Variants in BCAS1 observed in about 807,000 individuals in gnomAD.
BCAS1 encodes breast carcinoma-amplified sequence 1.
BCAS1 carries 46 observed loss-of-function variants against 65.4 expected under a neutral mutation model. The ratio of observed to expected loss-of-function variants is 0.70; its 90% CI spans 0.55 to 0.90. The LOEUF is 0.90. Ranked by LOEUF, BCAS1 falls within the 40% of genes least tolerant of loss-of-function variation. The pLI, the probability that BCAS1 is intolerant of heterozygous loss-of-function variation, is 0.00. For synonymous variants in BCAS1, 298 were observed against 293.5 expected (o/e 1.02, Z -0.16); for missense variants, 793 against 771.2 (o/e 1.03, Z -0.33).
intron 4 of BCAS1, among the ~76,000 whole-genome samples, chr20:54,026,183 C>A (rs1037161847): frequency 3.3e-5 from 5 of 152,188 alleles, no homozygotes. Flanking sequence ...CTTGGGTCTT[C>A]TGAGAGATCA....
At position 54,070,495 on chromosome 20, in the gene BCAS1, G is replaced by A. The variant is rs1294228931; in HGVS notation, c.-68C>T. ...TGTCACCCGGAGCTGCTCCTGCACA[G>A]GGTCCTGGGTCTCCAGTGCGTGCTG... On this transcript the variant is annotated 5_prime_UTR_variant, in exon 1 of 13. Transcript: ENST00000688948. The A allele has an allele frequency of 1.3e-5, 2 of 152,416 alleles. No homozygotes were observed. The highest frequency in any genetic ancestry group is 4.8e-5 in the African/African-American group (2 of 41,452). 9.4% of individuals were successfully genotyped at this position (152,416 alleles called of 1,614,324 possible). A position where few individuals can be genotyped will look rare whatever the true frequency, so the allele number is the denominator to read the frequency against.
At chr20:54,044,358 T>C (rs1453099541) in intron 3 of BCAS1, among the ~76,000 whole-genome samples, 1 of 152,190 alleles carries the variant, frequency 6.6e-6, no homozygotes, top group South Asian at 2.1e-4. Context: ...CTTGTTTTCT[T>C]CTCCATCCAA....
At chr20:54,009,266 T>A (rs1174879115) in intron 4 of BCAS1, among the ~76,000 whole-genome samples, 1 of 151,926 alleles carries the variant, frequency 6.6e-6, no homozygotes, top group East Asian at 1.9e-4. Context: ...GGTATAATAA[T>A]GAAAACAAAA....
intron 4 of BCAS1, among the ~76,000 whole-genome samples, chr20:54,001,010 A>G (rs208377): frequency 0.015 from 2,267 of 152,164 alleles, 62 homozygotes; most frequent in African/African-American, 0.053. Flanking sequence ...CTTCCCTGGT[A>G]ATTTTTGTTT....
At chr20:53,971,430 C>T (rs1482762718) in intron 9 of BCAS1, among the ~76,000 whole-genome samples, 5 of 152,212 alleles carry the variant, frequency 3.3e-5, no homozygotes, top group Non-Finnish European at 7.3e-5. Flanking sequence ...AACTTCTTTG[C>T]TATTGAGAAG....
chr20:53,953,604 TTG>T lies in BCAS1; in HGVS notation c.1641_1642del (p.Asp547GlufsTer45). On this transcript the variant is annotated frameshift_variant, in exon 12 of 13. Transcript: ENST00000688948. LOFTEE classifies it high-confidence loss of function. ...CTTGTTCATCTCGGCTGCTGACTTC[TTG>T]TCCTTCGAGGAGCCCTCTTTACCCT... is the stretch of plus-strand genomic sequence containing the variant. The T allele has an allele frequency of 6.8e-6, 11 of 1,613,934 alleles. No homozygotes were observed. Among genetic ancestry groups the T allele is most frequent in the Non-Finnish European group, 9.3e-6 (11 of 1,180,000 alleles).
At chr20:53,983,904 C>A (rs924876399) in intron 8 of BCAS1, among the ~76,000 whole-genome samples, 9 of 152,154 alleles carry the variant, frequency 5.9e-5, no homozygotes, top group African/African-American at 1.2e-4. Flanking sequence ...TTCTCCTTCA[C>A]AGATGTCTTC....
intron 12 of BCAS1, among the ~76,000 whole-genome samples, chr20:53,948,654 T>C (rs921759613): frequency 1.3e-5 from 2 of 152,224 alleles, no homozygotes; most frequent in Non-Finnish European, 2.9e-5. Flanking sequence ...TCCTGCCTTA[T>C]ATACCAGGAC....
At chr20:54,014,339 T>G (rs1033880329) in intron 4 of BCAS1, among the ~76,000 whole-genome samples, 1 of 152,218 alleles carries the variant, frequency 6.6e-6, no homozygotes, top group Non-Finnish European at 1.5e-5. Context: ...AGCAAACAGA[T>G]AGGAACACTG....
chr20:54,066,691 A>G (rs1568939833), intron 1 of BCAS1, among the ~76,000 whole-genome samples: 1 of 152,222 alleles, frequency 6.6e-6, no homozygotes, highest in Non-Finnish European at 1.5e-5. Flanking sequence ...GGCTAGCCAG[A>G]AAGAGTGGTC....
At chr20:54,015,929 A>G (rs2091428147) in intron 4 of BCAS1, among the ~76,000 whole-genome samples, 1 of 152,240 alleles carries the variant, frequency 6.6e-6, no homozygotes, top group African/African-American at 2.4e-5. Flanking sequence ...GAAAATACAG[A>G]TAACAAAGAA....
chr20:54,033,312 A>G (rs2091839096), intron 3 of BCAS1, among the ~76,000 whole-genome samples: 1 of 151,134 alleles, frequency 6.6e-6, no homozygotes, highest in East Asian at 1.9e-4. Flanking sequence ...AGCTGAACTG[A>G]AGGAGATTGA....
At chr20:53,970,434 A>G (rs1298094481) in intron 9 of BCAS1, among the ~76,000 whole-genome samples, 1 of 152,236 alleles carries the variant, frequency 6.6e-6, no homozygotes, top group Non-Finnish European at 1.5e-5. Context: ...ATATACAGAC[A>G]TAGGAATTCA....
At chr20:53,984,054 T>C (rs1244787805) in intron 8 of BCAS1, among the ~76,000 whole-genome samples, 3 of 152,230 alleles carry the variant, frequency 2.0e-5, no homozygotes, top group Non-Finnish European at 4.4e-5. Flanking sequence ...AAACAAAATA[T>C]GCTTATTTAA....
chr20:54,009,484 T>C (rs116524345), intron 4 of BCAS1, among the ~76,000 whole-genome samples: 1,954 of 152,202 alleles, frequency 0.013, 43 homozygotes, highest in African/African-American at 0.044. Flanking sequence ...AAATGGAACA[T>C]TTGCTCAAAA....
intron 3 of BCAS1, among the ~76,000 whole-genome samples, chr20:54,046,460 C>T (rs576951156): frequency 3.0e-4 from 41 of 137,878 alleles, no homozygotes; most frequent in African/African-American, 9.6e-4. Flanking sequence ...AGCTGGAAGG[C>T]AGAGGTTGCA....
intron 3 of BCAS1, among the ~76,000 whole-genome samples, chr20:54,055,343 A>G (rs1282557950): frequency 2.6e-5 from 4 of 152,228 alleles, no homozygotes; most frequent in African/African-American, 9.6e-5. Flanking sequence ...TTGGACTTAC[A>G]GATCCATATG....
intron 3 of BCAS1, among the ~76,000 whole-genome samples, chr20:54,048,981 A>C (rs1426177904): frequency 6.6e-6 from 1 of 152,230 alleles, no homozygotes; most frequent in African/African-American, 2.4e-5. Flanking sequence ...ATTGGAGGGA[A>C]ATAGTGGACA....
rs201130614 is a variant in BCAS1, at chr20:53,995,877, G to A, written c.882+15C>T. 49 of 1,584,306 alleles carry A rather than the reference G, an allele frequency of 3.1e-5. No homozygotes were observed. In the African/African-American group the frequency reaches 5.7e-4, roughly 18 times the overall value. ...AGCAATAGAGTGGAGGGGAAAAGAGGAGAAAACTGCTTACCAGAGTTTTAA... is the reference window on the plus strand; with the variant it reads ...AGCAATAGAGTGGAGGGGAAAAGAGAAGAAAACTGCTTACCAGAGTTTTAA... On this transcript the variant is annotated intron_variant, in intron 5 of 12. Coordinates refer to ENST00000688948, the MANE Select transcript of BCAS1 (RefSeq NM_001366298.2).
Sources: allele counts gnomAD v4.1 joint callset (sites outside exome capture counted in the v4.1 genomes callset), GRCh38; gene constraint gnomAD v4.1.1; transcripts MANE v1.5; gene names NCBI Gene and HGNC (gene_info 2026-07-23, HGNC 2026-07-21).